PTPRM: variants seen among roughly 807,000 people sequenced by gnomAD.
PTPRM encodes the protein protein tyrosine phosphatase receptor type M.
Under a neutral mutation model 186.7 loss-of-function variants are expected in PTPRM, and 47 were observed. That is an observed-to-expected ratio of 0.25 (90% CI 0.20 to 0.32). The LOEUF (loss-of-function observed/expected upper bound fraction) is 0.32. PTPRM is among the 10% of genes least tolerant of loss of function. The pLI, the probability that PTPRM is intolerant of heterozygous loss-of-function variation, is 1.00. For synonymous variants in PTPRM, 668 were observed against 674.9 expected, an observed-to-expected ratio of 0.99 and a Z score of 0.16; for missense variants, 1,494 against 1,865.0, an observed-to-expected ratio of 0.80 and a Z score of 3.66.
chr18:8,251,255 C>T (rs2094525750), intron 17 of PTPRM, among the ~76,000 whole-genome samples: 1 of 152,210 alleles, frequency 6.6e-6, no homozygotes, highest in Admixed American at 6.5e-5. Context: ...TTTAGAAGGT[C>T]AGCCCACCAT....
intron 1 of PTPRM, among the ~76,000 whole-genome samples, chr18:7,750,149 A>G: frequency 6.6e-6 from 1 of 152,188 alleles, no homozygotes; most frequent in South Asian, 2.1e-4. Context: ...TGACTAAAGG[A>G]TATTTTTCTC....
At chr18:8,042,934 C>G (rs1331678279) in intron 7 of PTPRM, among the ~76,000 whole-genome samples, 1 of 152,150 alleles carries the variant, frequency 6.6e-6, no homozygotes, top group Non-Finnish European at 1.5e-5. Flanking sequence ...TCCAACTCCC[C>G]CTTTTCTGCA....
intron 2 of PTPRM, among the ~76,000 whole-genome samples, chr18:7,875,735 G>A (rs1205341753): frequency 1.3e-5 from 2 of 151,878 alleles, no homozygotes. Flanking sequence ...CTCTATCCCG[G>A]TCACTCTCCC....
chr18:8,137,622 C>A (rs2092667210), intron 13 of PTPRM, among the ~76,000 whole-genome samples: 1 of 152,174 alleles, frequency 6.6e-6, no homozygotes, highest in African/African-American at 2.4e-5. Context: ...TCTGGGCTGT[C>A]CTACCCAGTG....
At chr18:8,373,563 G>A (rs888229912) in intron 24 of PTPRM, among the ~76,000 whole-genome samples, 1 of 152,240 alleles carries the variant, frequency 6.6e-6, no homozygotes, top group Non-Finnish European at 1.5e-5. Context: ...CTGAATTCTC[G>A]CTACCCAGGA....
chr18:8,203,601 A>G (rs1239288924), intron 14 of PTPRM, among the ~76,000 whole-genome samples: 2 of 152,176 alleles, frequency 1.3e-5, no homozygotes, highest in African/African-American at 4.8e-5. Flanking sequence ...GAGAGTAGTA[A>G]TACTGCAGTT....
chr18:8,353,012 A>G (rs1354767245), intron 23 of PTPRM, among the ~76,000 whole-genome samples: 3 of 152,198 alleles, frequency 2.0e-5, no homozygotes, highest in East Asian at 3.9e-4. Flanking sequence ...TGTATATACC[A>G]CATTTTCTTT....
chr18:8,351,738 T>G (rs1016979189), intron 23 of PTPRM, among the ~76,000 whole-genome samples: 1 of 152,210 alleles, frequency 6.6e-6, no homozygotes, highest in Non-Finnish European at 1.5e-5. Flanking sequence ...AAGAGGAGAT[T>G]GGCAGTGTGG....
intron 14 of PTPRM, among the ~76,000 whole-genome samples, chr18:8,153,046 C>G (rs747269185): frequency 1.3e-5 from 2 of 152,128 alleles, no homozygotes; most frequent in Non-Finnish European, 1.5e-5. Flanking sequence ...CATTCCCCAC[C>G]TCAATGTGTA....
intron 1 of PTPRM, among the ~76,000 whole-genome samples, chr18:7,602,801 A>C (rs1321260899): frequency 1.3e-5 from 2 of 150,148 alleles, no homozygotes; most frequent in Admixed American, 6.6e-5. Context: ...ACAATGCTTC[A>C]GTGAATTTAA....
chr18:7,632,992 GC>G (rs1173194234), intron 1 of PTPRM, among the ~76,000 whole-genome samples: 8 of 152,156 alleles, frequency 5.3e-5, no homozygotes, highest in African/African-American at 1.7e-4. Flanking sequence ...AGCCACTGAT[GC>G]ATCACACCAC....
At chr18:8,103,306 G>A (rs1386268587) in intron 11 of PTPRM, among the ~76,000 whole-genome samples, 2 of 152,210 alleles carry the variant, frequency 1.3e-5, no homozygotes, top group African/African-American at 4.8e-5. Flanking sequence ...GATGGCATCT[G>A]CTTCCAATAG....
At chr18:7,686,525 G>A (rs1293653283) in intron 1 of PTPRM, among the ~76,000 whole-genome samples, 2 of 151,508 alleles carry the variant, frequency 1.3e-5, no homozygotes, top group Non-Finnish European at 2.9e-5. Context: ...TTTGACTAGT[G>A]TATAAGAAGG....
chr18:8,315,381 A>G lies in PTPRM; in HGVS notation c.2919+524A>G, dbSNP rs1456158206. 2.0e-5 allele frequency among the ~76,000 whole-genome samples: 3 copies of G among 152,320 alleles called. No homozygotes were observed. In the East Asian group the frequency reaches 5.8e-4, roughly 29 times the overall value. On this transcript the variant is annotated intron_variant, in intron 21 of 32. Coordinates refer to ENST00000580170, the MANE Select transcript of PTPRM (RefSeq NM_001105244.2). ...ATCTGTTCACCAGGACTTCTAATGCAAGCAAGACATGTCATTAAATATGTA... is the reference window on the plus strand; with the variant it reads ...ATCTGTTCACCAGGACTTCTAATGCGAGCAAGACATGTCATTAAATATGTA...
At chr18:7,934,011 TGTCC>T (rs1368474892) in intron 5 of PTPRM, among the ~76,000 whole-genome samples, 1 of 152,228 alleles carries the variant, frequency 6.6e-6, no homozygotes, top group African/African-American at 2.4e-5. Context: ...ATGAAACTTC[TGTCC>T]TAATTCTTCC....
intron 2 of PTPRM, among the ~76,000 whole-genome samples, chr18:7,868,066 C>T (rs573278009): frequency 1.4e-3 from 208 of 152,294 alleles, no homozygotes; most frequent in African/African-American, 4.7e-3. Flanking sequence ...ATGTTCTTCT[C>T]TAAACTGGTT....
chr18:7,690,530 G>A (rs1392449281), intron 1 of PTPRM, among the ~76,000 whole-genome samples: 1 of 152,088 alleles, frequency 6.6e-6, no homozygotes, highest in Non-Finnish European at 1.5e-5. Context: ...AAGTGCTCAG[G>A]CCTATTCTTG....
At chr18:7,891,500 T>G (rs1002017473) in intron 3 of PTPRM, among the ~76,000 whole-genome samples, 1 of 152,192 alleles carries the variant, frequency 6.6e-6, no homozygotes, top group African/African-American at 2.4e-5. Context: ...ATAAATGTAC[T>G]GGTGACCAAT....
At chr18:8,241,161 C>A (rs1045158255) in intron 14 of PTPRM, among the ~76,000 whole-genome samples, 1 of 152,112 alleles carries the variant, frequency 6.6e-6, no homozygotes, top group Non-Finnish European at 1.5e-5. Context: ...AACCCCACCT[C>A]TACTAAAAAT....
Sources: allele counts gnomAD v4.1 joint callset (sites outside exome capture counted in the v4.1 genomes callset), GRCh38; gene constraint gnomAD v4.1.1; transcripts MANE v1.5; gene names NCBI Gene and HGNC (gene_info 2026-07-23, HGNC 2026-07-21).